The following HHAT variants were observed in gnomAD, a reference collection of about 807,000 sequenced individuals.
HHAT encodes the protein protein-cysteine N-palmitoyltransferase HHAT.
In HHAT, 47 loss-of-function variants were observed where a neutral mutation model predicts 70.8. That is an observed-to-expected ratio of 0.66 (90% CI 0.53 to 0.85). The LOEUF (loss-of-function observed/expected upper bound fraction) is 0.85, where lower values mean the gene tolerates loss of function less well. HHAT is among the 40% of genes least tolerant of loss of function. HHAT has a pLI of 0.00. For missense variants in HHAT, 609 were observed against 604.8 expected (o/e 1.01, Z -0.07); for synonymous variants, 228 against 247.6 (o/e 0.92, Z 0.74).
At chr1:210,460,700 G>A (rs548486320) in intron 7 of HHAT, among the ~76,000 whole-genome samples, 2 of 152,336 alleles carry the variant, frequency 1.3e-5, no homozygotes, top group Admixed American at 6.5e-5. Flanking sequence ...CCATATTTGA[G>A]CTGGGATCTG....
chr1:210,473,217 T>G (rs1483144804), intron 8 of HHAT, among the ~76,000 whole-genome samples: 2 of 152,220 alleles, frequency 1.3e-5, no homozygotes, highest in Non-Finnish European at 2.9e-5. Context: ...ATCTGTCATG[T>G]AATGCTATAC....
chr1:210,331,255 G>C (rs562418983), intron 1 of HHAT, among the ~76,000 whole-genome samples: 4 of 152,286 alleles, frequency 2.6e-5, no homozygotes, highest in South Asian at 2.1e-4. Context: ...CATCTGGGGG[G>C]GTGTGTTGGT....
intron 11 of HHAT, among the ~76,000 whole-genome samples, chr1:210,648,831 A>G (rs1437256667): frequency 6.6e-6 from 1 of 152,252 alleles, no homozygotes; most frequent in East Asian, 1.9e-4. Context: ...CTGAATGTGC[A>G]TTATGCAAAA....
intron 11 of HHAT, among the ~76,000 whole-genome samples, chr1:210,624,314 C>G (rs1669441337): frequency 6.6e-6 from 1 of 152,174 alleles, no homozygotes; most frequent in Non-Finnish European, 1.5e-5. Context: ...GCTTCCGTAA[C>G]TGTAAGAAAT....
intron 8 of HHAT, among the ~76,000 whole-genome samples, chr1:210,495,516 A>G (rs966476028): frequency 2.0e-5 from 3 of 152,154 alleles, no homozygotes; most frequent in African/African-American, 7.2e-5. Flanking sequence ...GCAAGAATCA[A>G]TTGAAGTAAT....
rs1307221761 is a variant in HHAT at position 210,551,557 on chromosome 1, T to C, written c.1044-36341T>C. ...GATTAATGCTTTCCCCCTTCATTAT[T>C]CAAGATAAAACTTTATCATCACAAG... On this transcript the variant is annotated intron_variant, in intron 9 of 11. Transcript: ENST00000261458. Among the ~76,000 whole-genome samples, 4 of 152,222 alleles carry C rather than the reference T, an allele frequency of 2.6e-5. No homozygotes were observed. The East Asian group carries it at 7.7e-4, about 29-fold the overall frequency.
At chr1:210,333,660 A>AT (rs572247937) in intron 1 of HHAT, among the ~76,000 whole-genome samples, 1,745 of 145,154 alleles carry the variant, frequency 0.012, 22 homozygotes, top group African/African-American at 0.028. Flanking sequence ...TACTACTATG[A>AT]TTTTTTTTTT....
At chr1:210,513,465 T>C (rs2094996868) in intron 9 of HHAT, among the ~76,000 whole-genome samples, 1 of 152,208 alleles carries the variant, frequency 6.6e-6, no homozygotes. Context: ...GGAAAACTAA[T>C]TGAAAAATTA....
chr1:210,363,179 C>G (rs1488179265), intron 3 of HHAT, among the ~76,000 whole-genome samples: 7 of 152,150 alleles, frequency 4.6e-5, no homozygotes, highest in African/African-American at 7.2e-5. Context: ...TTTTGTAAAG[C>G]TCAGAAACTT....
At chr1:210,379,075 G>A (rs1447333299) in intron 3 of HHAT, among the ~76,000 whole-genome samples, 2 of 152,174 alleles carry the variant, frequency 1.3e-5, no homozygotes, top group Non-Finnish European at 2.9e-5. Flanking sequence ...ACCAGAAACA[G>A]TTCCAAGAGC....
chr1:210,492,229 A>T (rs1464393646), intron 8 of HHAT, among the ~76,000 whole-genome samples: 1 of 152,156 alleles, frequency 6.6e-6, no homozygotes, highest in East Asian at 1.9e-4. Context: ...CCTACCAGAT[A>T]TCACTCTATT....
At chr1:210,575,461 T>C (rs1657490526) in intron 9 of HHAT, among the ~76,000 whole-genome samples, 2 of 152,158 alleles carry the variant, frequency 1.3e-5, no homozygotes, top group South Asian at 4.1e-4. Flanking sequence ...AGAATCTGTT[T>C]TATATGGTGT....
chr1:210,556,976 G>C (rs760966512), intron 9 of HHAT, among the ~76,000 whole-genome samples: 1 of 152,184 alleles, frequency 6.6e-6, no homozygotes, highest in African/African-American at 2.4e-5. Context: ...TAGAAATAGG[G>C]GATGGGACCC....
chr1:210,503,671 C>T (rs576729695), intron 8 of HHAT, among the ~76,000 whole-genome samples: 1 of 152,276 alleles, frequency 6.6e-6, no homozygotes, highest in South Asian at 2.1e-4. Context: ...TTAGAGTTAT[C>T]CACACCGGGT....
chr1:210,590,819 A>G (rs573861470), intron 10 of HHAT, among the ~76,000 whole-genome samples: 2 of 152,290 alleles, frequency 1.3e-5, no homozygotes, highest in East Asian at 1.9e-4. Flanking sequence ...AAAATTAACC[A>G]TCACACCCTT....
At chr1:210,381,936 A>G (rs1208404560) in intron 3 of HHAT, among the ~76,000 whole-genome samples, 1 of 152,314 alleles carries the variant, frequency 6.6e-6, no homozygotes, top group African/African-American at 2.4e-5. Flanking sequence ...TCTATTGACC[A>G]GGCCTTATTA....
intron 7 of HHAT, among the ~76,000 whole-genome samples, chr1:210,436,648 A>G (rs1467413828): frequency 6.6e-6 from 1 of 151,476 alleles, no homozygotes; most frequent in African/African-American, 2.4e-5. Flanking sequence ...CCAAATTTTG[A>G]TTCTTCACAG....
intron 7 of HHAT, among the ~76,000 whole-genome samples, chr1:210,444,810 A>G (rs2093602015): frequency 1.3e-5 from 2 of 152,058 alleles, no homozygotes; most frequent in South Asian, 4.2e-4. Context: ...CACCATGCCC[A>G]GCCGATATAT....
chr1:210,587,488 G>A (rs568947101), intron 9 of HHAT, among the ~76,000 whole-genome samples: 1 of 152,164 alleles, frequency 6.6e-6, no homozygotes, highest in African/African-American at 2.4e-5. Context: ...TTCAAGATGA[G>A]ATTTGGGTGG....
Sources: allele counts gnomAD v4.1 joint callset (sites outside exome capture counted in the v4.1 genomes callset), GRCh38; gene constraint gnomAD v4.1.1; transcripts MANE v1.5; gene names NCBI Gene and HGNC (gene_info 2026-07-23, HGNC 2026-07-21).